Variants in SLC29A3 observed in about 807,000 individuals in gnomAD.
SLC29A3 encodes equilibrative nucleoside transporter 3.
SLC29A3 carries 18 observed loss-of-function variants against 25.4 expected under a neutral mutation model. The ratio of observed to expected loss-of-function variants is 0.71; its 90% confidence interval spans 0.49 to 1.05. SLC29A3 has a LOEUF of 1.05. Among genes scored for constraint, SLC29A3 ranks in the 50% least tolerant of loss-of-function variants. The pLI is 0.00. For missense variants in SLC29A3, 586 were observed against 609.0 expected, an observed-to-expected ratio of 0.96 and a Z score of 0.40; for synonymous variants, 258 against 267.1, an observed-to-expected ratio of 0.97 and a Z score of 0.33.
intron 2 of SLC29A3, among the ~76,000 whole-genome samples, chr10:71,326,860 C>A (rs1199986063): frequency 1.3e-5 from 2 of 152,212 alleles, no homozygotes; most frequent in African/African-American, 4.8e-5. Flanking sequence ...AGAGACCTGT[C>A]ACCCCTCGAT....
Position 71,319,898 on chromosome 10 carries a change from GCTGT to G in SLC29A3, c.1+597_1+600del, listed in dbSNP as rs201796774. The stretch of plus-strand genomic sequence containing the variant: ...AGCAGTGCCTGCCTCCTTGTGTGGG[GCTGT>G]CTGTCTGTGCATGGCCGGGCTCCCG... On this transcript the variant is annotated intron_variant, in intron 1 of 5. Coordinates refer to ENST00000373189, the MANE Select transcript of SLC29A3 (RefSeq NM_018344.6). Among the ~76,000 whole-genome samples the G allele has an allele frequency of 1.4e-3, 207 of 152,334 alleles. 1 individual carries two copies. The highest frequency in any genetic ancestry group is 4.6e-3 in the African/African-American group (190 of 41,570).
rs762952345 is a variant in SLC29A3, at chr10:71,362,383, C to T, written c.1203C>T (p.Arg401=). ...PLFVLCNYQP[R]VHLKTVVFQS... ...TCGTGCTCTGTAACTACCAGCCCCG[C>T]GTCCACCTGAAGACTGTGGTCTTCC... Residue 401 remains arginine (R), a synonymous_variant, in exon 6 of 6, where the codon CGC becomes CGT. Coordinates refer to ENST00000373189, the MANE Select transcript of SLC29A3 (RefSeq NM_018344.6). 23 of 1,614,076 alleles carry T rather than the reference C, an allele frequency of 1.4e-5. No homozygotes were observed. Among genetic ancestry groups the T allele is most frequent in the African/African-American group, 6.7e-5 (5 of 74,932 alleles).
rs568513531 is a variant in SLC29A3, at chr10:71,355,949, CTG to C, written c.611-131_611-130del. 1.1e-4 allele frequency: 111 copies of C among 1,002,866 alleles called. No individual in the cohort carries two copies. In the East Asian group the frequency reaches 1.2e-3, roughly 11 times the overall value. 62.1% of individuals were successfully genotyped at this position (1,002,866 alleles called of 1,614,324 possible). ...TCCCTGTCTCTGAGGCTTCAGGACA[CTG>C]AGAGAGCTTTGGCATTTTTCGCACG... On this transcript the variant is annotated intron_variant, in intron 4 of 5. Transcript: ENST00000373189.
rs559872681 is a variant in SLC29A3 at position 71,376,156 on chromosome 10, A to T, written c.*211+345A>T. Among the ~76,000 whole-genome samples, 58 of 152,368 alleles carry T rather than the reference A, an allele frequency of 3.8e-4. No individual in the cohort carries two copies. The South Asian group carries it at 0.012, about 32-fold the overall frequency. ...ACTCCAGATTGTTCCTGTCCTAAGT[A>T]AACACGGCAATGTGTCTCTTACAAA... On this transcript the variant is annotated intron_variant and NMD_transcript_variant, in intron 4 of 4. Coordinates refer to the SLC29A3 transcript ENST00000642772.
chr10:71,335,861 C>T (rs1484604092), intron 2 of SLC29A3, among the ~76,000 whole-genome samples: 2 of 151,984 alleles, frequency 1.3e-5, no homozygotes, highest in African/African-American at 4.8e-5. Flanking sequence ...CCACCACCCC[C>T]ACCCTTACAA....
intron 3 of SLC29A3, among the ~76,000 whole-genome samples, chr10:71,369,373 CAA>C (rs753764674): frequency 6.6e-6 from 1 of 152,124 alleles, no homozygotes; most frequent in Non-Finnish European, 1.5e-5. Context: ...AGTGATGAAA[CAA>C]GATGTTTAGC....
intron 3 of SLC29A3, among the ~76,000 whole-genome samples, chr10:71,373,196 T>C (rs1428526027): frequency 6.6e-6 from 1 of 152,222 alleles, no homozygotes; most frequent in Non-Finnish European, 1.5e-5. Context: ...CAACACTTTT[T>C]CAAACAGAAA....
chr10:71,341,014 G>A (rs1014764254), intron 2 of SLC29A3, among the ~76,000 whole-genome samples: 2 of 152,198 alleles, frequency 1.3e-5, no homozygotes, highest in African/African-American at 4.8e-5. Flanking sequence ...GAAAAGTCTT[G>A]TGGAGCCACC....
Position 71,362,520 on chromosome 10 carries a change from A to G in SLC29A3, c.1340A>G (p.Glu447Gly). The change falls in exon 6 of 6, where the codon GAG becomes GGG. Residue 447 changes from glutamate (E) to glycine (G), a missense_variant. By Grantham distance (98) the Glu-to-Gly change is moderately conservative. Transcript: ENST00000373189. ...AAGATTGTGCCCAGGGAGCTGGCTGAGGCCACGGGAGTGGTGATGTCCTTT... is the reference window on the plus strand; with the variant it reads ...AAGATTGTGCCCAGGGAGCTGGCTGGGGCCACGGGAGTGGTGATGTCCTTT... ...GPKIVPRELAEATGVVMSFYV... is the reference protein window; with the variant it reads ...GPKIVPRELAGATGVVMSFYV... 1.2e-6 allele frequency: 2 copies of G among 1,614,216 alleles called. No homozygotes were observed. Among genetic ancestry groups the G allele is most frequent in the Non-Finnish European group, 8.5e-7 (1 of 1,180,048 alleles).
At chr10:71,349,611 GATGACTA>G (rs1846695363) in intron 3 of SLC29A3, among the ~76,000 whole-genome samples, 2 of 152,044 alleles carry the variant, frequency 1.3e-5, no homozygotes. Context: ...ACCTCCCCAG[GATGACTA>G]GGCGAAGGAA....
intron 4 of SLC29A3, among the ~76,000 whole-genome samples, chr10:71,376,789 A>C (rs1007831338): frequency 1.3e-5 from 2 of 152,026 alleles, no homozygotes; most frequent in African/African-American, 4.8e-5. Context: ...TTTGAGATGG[A>C]GTCTCCCTTC....
chr10:71,326,731 G>A (rs765729593), intron 2 of SLC29A3, among the ~76,000 whole-genome samples: 1 of 152,218 alleles, frequency 6.6e-6, no homozygotes, highest in Non-Finnish European at 1.5e-5. Flanking sequence ...CTTCCCAGCT[G>A]CAGGCACTTG....
chr10:71,326,715 C>T (rs55686298), intron 2 of SLC29A3, among the ~76,000 whole-genome samples: 11,902 of 152,296 alleles, frequency 0.078, 653 homozygotes, highest in African/African-American at 0.15. Flanking sequence ...CACCGCAAGG[C>T]GATCCCTTCC....
chr10:71,369,536 A>G (rs1847195366), intron 3 of SLC29A3, among the ~76,000 whole-genome samples: 1 of 152,224 alleles, frequency 6.6e-6, no homozygotes, highest in Admixed American at 6.5e-5. Context: ...TCATATTGCA[A>G]AAAATGAGAA....
intron 4 of SLC29A3, among the ~76,000 whole-genome samples, chr10:71,376,070 C>G (rs991192088): frequency 6.6e-6 from 1 of 152,214 alleles, no homozygotes; most frequent in Non-Finnish European, 1.5e-5. Context: ...ATAGAAGACA[C>G]AAAGCCAAAC....
chr10:71,322,871 G>T lies in SLC29A3; in HGVS notation c.117G>T (p.Pro39=). ...TGCTTGAGAAGCTGCTGGACCGCCCGCCCCCTGGCCTGCAGAGGCCCGAGG... is the reference window on the plus strand; with the variant it reads ...TGCTTGAGAAGCTGCTGGACCGCCCTCCCCCTGGCCTGCAGAGGCCCGAGG... ...EALLEKLLDR[P]PPGLQRPEDR... The change falls in exon 2 of 6, where the codon CCG becomes CCT. Residue 39 remains proline, a synonymous_variant. Coordinates refer to ENST00000373189, the MANE Select transcript of SLC29A3 (RefSeq NM_018344.6). The T allele has an allele frequency of 2.5e-6, 4 of 1,614,188 alleles. No homozygotes were observed. Among genetic ancestry groups the T allele is most frequent in the Non-Finnish European group, 3.4e-6 (4 of 1,180,044 alleles).
At chr10:71,338,929 G>A (rs1313816804) in intron 2 of SLC29A3, among the ~76,000 whole-genome samples, 1 of 152,190 alleles carries the variant, frequency 6.6e-6, no homozygotes, top group Non-Finnish European at 1.5e-5. Flanking sequence ...AGGCTTCCTG[G>A]TGATGCACCG....
chr10:71,356,062 TG>T lies in SLC29A3; in HGVS notation c.611-18del. 2 of 1,613,296 alleles carry T rather than the reference TG, an allele frequency of 1.2e-6. No individual in the cohort carries two copies. Among genetic ancestry groups the T allele is most frequent in the Non-Finnish European group, 1.7e-6 (2 of 1,180,018 alleles). ...TCGCCCACCCCTCACCATCTCTGCG[TG>T]TCCTCTGTTCTCTGCAGGAGGAGCC... is the stretch of plus-strand genomic sequence containing the variant. On this transcript the variant is annotated intron_variant, in intron 4 of 5. Transcript: ENST00000373189.
At chr10:71,356,370 A>G (rs537473070) in intron 5 of SLC29A3, 127 bp downstream of exon 5, 1 of 1,219,960 alleles carries the variant, frequency 8.2e-7, no homozygotes, top group East Asian at 2.5e-5. Flanking sequence ...GTTGTTCAAC[A>G]AATAGGCTTG....
Sources: allele counts gnomAD v4.1 joint callset (sites outside exome capture counted in the v4.1 genomes callset), GRCh38; gene constraint gnomAD v4.1.1; transcripts MANE v1.5; gene names NCBI Gene and HGNC (gene_info 2026-07-23, HGNC 2026-07-21).